The following WDPCP variants were observed in gnomAD, a reference collection of about 807,000 sequenced individuals.
WDPCP encodes the protein WD repeat-containing and planar cell polarity effector protein fritz homolog.
Under a neutral mutation model 93.1 loss-of-function variants are expected in WDPCP, and 71 were observed. The observed-to-expected ratio is 0.76, with a 90% confidence interval of 0.63 to 0.93. WDPCP has a LOEUF of 0.93. Among genes scored for constraint, WDPCP ranks in the 40% least tolerant of loss-of-function variants. WDPCP has a pLI of 0.00. For synonymous variants in WDPCP, 315 were observed against 315.0 expected (o/e 1.00, Z 0.00); for missense variants, 844 against 887.4 (o/e 0.95, Z 0.62).
chr2:63,309,257 A>G (rs187407120), intron 13 of WDPCP, among the ~76,000 whole-genome samples: 3 of 152,332 alleles, frequency 2.0e-5, no homozygotes, highest in Admixed American at 2.0e-4. Flanking sequence ...GTAAAACTAA[A>G]AAAAGTTAAA....
At chr2:63,437,376 T>C (rs768321285) in intron 8 of WDPCP, 45 bp downstream of exon 8, 7 of 1,460,260 alleles carry the variant, frequency 4.8e-6, no homozygotes, top group East Asian at 2.4e-5. Flanking sequence ...TACTCTCATA[T>C]ACCTTAATAA....
chr2:63,343,238 C>T (rs1453484677), intron 12 of WDPCP, among the ~76,000 whole-genome samples: 2 of 151,956 alleles, frequency 1.3e-5, no homozygotes, highest in Admixed American at 6.6e-5. Flanking sequence ...AAACTCCTGA[C>T]CTCAAGTGAT....
intron 13 of WDPCP, among the ~76,000 whole-genome samples, chr2:63,274,199 T>C (rs1456834069): frequency 1.3e-5 from 2 of 152,006 alleles, no homozygotes; most frequent in Admixed American, 1.3e-4. Context: ...AGAGGAACTA[T>C]GGAAAATGTA....
At chr2:63,353,855 C>G (rs1352326382) in intron 12 of WDPCP, among the ~76,000 whole-genome samples, 3 of 152,120 alleles carry the variant, frequency 2.0e-5, no homozygotes, top group Non-Finnish European at 4.4e-5. Context: ...AGCAGGCCCC[C>G]AGAATACTGC....
chr2:63,126,593 GA>G (rs1373357141), intron 17 of WDPCP, among the ~76,000 whole-genome samples: 1 of 150,452 alleles, frequency 6.6e-6, no homozygotes, highest in Non-Finnish European at 1.5e-5. Flanking sequence ...CCCAAATTCA[GA>G]GCTAAACACA....
intron 10 of WDPCP, among the ~76,000 whole-genome samples, chr2:63,394,838 A>G (rs535879003): frequency 1.3e-5 from 2 of 152,284 alleles, no homozygotes; most frequent in African/African-American, 4.8e-5. Context: ...CTAAACATTG[A>G]GTACTTACAG....
chr2:63,640,158 G>A (rs1709965687), intron 3 of WDPCP, among the ~76,000 whole-genome samples: 1 of 152,078 alleles, frequency 6.6e-6, no homozygotes, highest in African/African-American at 2.4e-5. Context: ...ACAGGCGCCC[G>A]CCACGACGCC....
At chr2:63,737,993 G>C (rs1669662608) in intron 2 of WDPCP, among the ~76,000 whole-genome samples, 1 of 152,158 alleles carries the variant, frequency 6.6e-6, no homozygotes. Flanking sequence ...TTAAAACTTA[G>C]ATTGCTGGGC....
intron 2 of WDPCP, among the ~76,000 whole-genome samples, chr2:63,751,043 T>A (rs997510089): frequency 1.1e-4 from 16 of 152,140 alleles, no homozygotes; most frequent in Admixed American, 9.2e-4. Flanking sequence ...TTGTGTAAGA[T>A]TAGTGTTATT....
intron 2 of WDPCP, among the ~76,000 whole-genome samples, chr2:63,696,960 C>T (rs1344146821): frequency 6.6e-6 from 1 of 152,186 alleles, no homozygotes; most frequent in African/African-American, 2.4e-5. Context: ...ATAGTCTGTC[C>T]TGTTACAGAA....
intron 7 of WDPCP, 122 bp from the exon 8 acceptor site, chr2:63,437,676 A>C: frequency 9.4e-7 from 1 of 1,066,644 alleles, no homozygotes; most frequent in Admixed American, 2.8e-5. Context: ...AAGTCTCTTG[A>C]ATATCATTAT....
intron 6 of WDPCP, among the ~76,000 whole-genome samples, chr2:63,463,908 A>G (rs989918952): frequency 2.6e-5 from 4 of 152,208 alleles, no homozygotes; most frequent in Non-Finnish European, 5.9e-5. Context: ...GACCCAATCT[A>G]TAAAACTTCC....
Position 63,313,273 on chromosome 2 carries a change from T to C in WDPCP, c.1787A>G (p.Asp596Gly). 6.2e-7 allele frequency: 1 copy of C among 1,613,742 alleles called. No homozygotes were observed. The highest frequency in any genetic ancestry group is 8.5e-7 in the Non-Finnish European group (1 of 1,179,754). ...CATAAAGAGGTCACGAGCACCAACG[T>C]CAACAGCTAGGAGAAATGCCTTTTC... ...RFEKAFLLAV[D>G]VGARDLFMDI... Residue 596 changes from aspartate to glycine, a missense_variant, in exon 13 of 18, where the codon GAC (aspartate) becomes GGC (glycine). By Grantham distance (94) the Asp-to-Gly change is moderately conservative (BLOSUM62 -1). Coordinates refer to ENST00000272321, the MANE Select transcript of WDPCP (RefSeq NM_015910.7).
intron 6 of WDPCP, among the ~76,000 whole-genome samples, chr2:63,453,828 G>A (rs931704607): frequency 6.6e-6 from 1 of 151,724 alleles, no homozygotes; most frequent in Non-Finnish European, 1.5e-5. Flanking sequence ...ATCATTCTCA[G>A]CAAACTATCG....
At chr2:63,368,321 T>TATTTA (rs141806762) in intron 12 of WDPCP, among the ~76,000 whole-genome samples, 137 of 145,856 alleles carry the variant, frequency 9.4e-4, no homozygotes, top group South Asian at 1.9e-3. Context: ...TTTATTTATT[T>TATTTA]ATTTATTTAT....
intron 6 of WDPCP, among the ~76,000 whole-genome samples, chr2:63,478,314 A>C (rs914267534): frequency 2.6e-5 from 4 of 152,128 alleles, no homozygotes; most frequent in African/African-American, 9.7e-5. Flanking sequence ...CAGTGGATTT[A>C]AGCTATACCC....
At chr2:63,198,188 A>G (rs1228363808) in intron 14 of WDPCP, among the ~76,000 whole-genome samples, 1 of 152,204 alleles carries the variant, frequency 6.6e-6, no homozygotes, top group Non-Finnish European at 1.5e-5. Flanking sequence ...TCCATTTATT[A>G]AAAAGCTGAA....
chr2:63,822,240 T>A (rs1671036029), intron 1 of WDPCP, among the ~76,000 whole-genome samples: 1 of 152,094 alleles, frequency 6.6e-6, no homozygotes, highest in African/African-American at 2.4e-5. Context: ...GAAATAGCAA[T>A]AGACGGCCTG....
At chr2:63,264,168 T>C (rs909879394) in intron 13 of WDPCP, among the ~76,000 whole-genome samples, 5 of 152,240 alleles carry the variant, frequency 3.3e-5, no homozygotes, top group African/African-American at 1.2e-4. Context: ...ACTATGTTAC[T>C]ATATGCTACT....
Sources: allele counts gnomAD v4.1 joint callset (sites outside exome capture counted in the v4.1 genomes callset), GRCh38; gene constraint gnomAD v4.1.1; transcripts MANE v1.5; gene names NCBI Gene and HGNC (gene_info 2026-07-23, HGNC 2026-07-21).